The following IL1RAPL2 variants were observed in gnomAD, a reference collection of about 807,000 sequenced individuals.
IL1RAPL2 encodes the protein interleukin 1 receptor accessory protein like 2, also known as X-linked interleukin-1 receptor accessory protein-like 2.
Under a neutral mutation model 44.1 loss-of-function variants are expected in IL1RAPL2, and 3 were observed. The ratio of observed to expected loss-of-function variants is 0.07; its 90% CI spans 0.03 to 0.18. The LOEUF (loss-of-function observed/expected upper bound fraction) is 0.18. Ranked by LOEUF, IL1RAPL2 falls within the 10% of genes least tolerant of loss-of-function variation. IL1RAPL2 has a pLI of 1.00. For synonymous variants in IL1RAPL2, 181 were observed against 178.8 expected (o/e 1.01, Z -0.10); for missense variants, 391 against 496.4 (o/e 0.79, Z 2.02).
At chrX:105,752,840 C>T in intron 9 of IL1RAPL2, 1 of 294,387 alleles carries the variant, frequency 3.4e-6, no homozygotes, top group South Asian at 3.2e-5. Flanking sequence ...GCTTTTGGGA[C>T]ATCTGACATG....
At chrX:104,751,734 T>C (rs772022859) in intron 2 of IL1RAPL2, among the ~76,000 whole-genome samples, 3 of 111,373 alleles carry the variant, frequency 2.7e-5, no homozygotes, top group Non-Finnish European at 5.7e-5. Flanking sequence ...CCAGGGTTAA[T>C]ATGAATGCAT....
intron 2 of IL1RAPL2, among the ~76,000 whole-genome samples, chrX:104,761,890 TCTCCTTCTCCTTCTCCTTCTC>T (rs1932446290): frequency 5.5e-5 from 3 of 54,309 alleles, no homozygotes; most frequent in African/African-American, 3.4e-4. Flanking sequence ...TCCTTCTCCT[TCTCCTTCTCCTTCTCCTTCTC>T]CTTCTCCTTC....
At chrX:104,889,858 G>C (rs1923369237) in intron 2 of IL1RAPL2, among the ~76,000 whole-genome samples, 1 of 111,406 alleles carries the variant, frequency 9.0e-6, no homozygotes, top group South Asian at 3.8e-4. Context: ...GTGCAGGTTT[G>C]TTACATAGGT....
chrX:105,721,202 G>A (rs972504961), intron 7 of IL1RAPL2, among the ~76,000 whole-genome samples: 3 of 111,181 alleles, frequency 2.7e-5, no homozygotes, highest in East Asian at 2.9e-4. Flanking sequence ...GATCACCTGA[G>A]GTCAGGAGTT....
At chrX:104,646,297 AC>A (rs1175883378) in intron 1 of IL1RAPL2, among the ~76,000 whole-genome samples, 1 of 106,919 alleles carries the variant, frequency 9.4e-6, no homozygotes, top group Non-Finnish European at 1.9e-5. Flanking sequence ...TGGATTGCAT[AC>A]CTACTGTGTT....
chrX:104,893,566 T>C (rs1451023206), intron 2 of IL1RAPL2, among the ~76,000 whole-genome samples: 1 of 111,588 alleles, frequency 9.0e-6, no homozygotes, highest in African/African-American at 3.3e-5. Flanking sequence ...TCTTTTGATC[T>C]TTGTTGGTTT....
At chrX:105,101,870 G>A (rs956580065) in intron 2 of IL1RAPL2, among the ~76,000 whole-genome samples, 1 of 111,819 alleles carries the variant, frequency 8.9e-6, no homozygotes, top group African/African-American at 3.3e-5. Flanking sequence ...CTAGAAAAGG[G>A]TGGTTTCAAA....
chrX:104,806,519 C>T (rs1932923904), intron 2 of IL1RAPL2, among the ~76,000 whole-genome samples: 1 of 112,301 alleles, frequency 8.9e-6, no homozygotes. Flanking sequence ...AGACTGAAAA[C>T]CTGTCAGTTT....
At chrX:104,920,665 A>C (rs1403132706) in intron 2 of IL1RAPL2, among the ~76,000 whole-genome samples, 2 of 107,070 alleles carry the variant, frequency 1.9e-5, no homozygotes, top group African/African-American at 6.8e-5. Flanking sequence ...ACCCTGCGGA[A>C]CCATGAGCCA....
chrX:105,005,281 T>G (rs113959940), intron 2 of IL1RAPL2, among the ~76,000 whole-genome samples: 6,934 of 111,165 alleles, frequency 0.062, 570 homozygotes, highest in African/African-American at 0.21. Context: ...GCTTAATAAA[T>G]ACTTAATGAT....
At position 105,179,732 on chromosome X, in the gene IL1RAPL2, ATT is replaced by A. The variant is rs201089322; in HGVS notation, c.83-15731_83-15730del. Among the ~76,000 whole-genome samples, 8 of 84,476 alleles carry A rather than the reference ATT, an allele frequency of 9.5e-5. No individual in the cohort carries two copies. In the East Asian group the frequency reaches 1.9e-3, roughly 20 times the overall value. The allele number at this position is 84,476 out of a possible 115,157, so 73.4% of individuals were successfully genotyped here. On this transcript the variant is annotated intron_variant, in intron 2 of 10. Coordinates refer to ENST00000372582, the MANE Select transcript of IL1RAPL2 (RefSeq NM_017416.2). ...TCCTTGTTTAAATTTATTCCTAGGT[ATT>A]TTTTTTTTTTTGTAAATATAGTGAG...
chrX:104,921,499 C>T (rs1489671497), intron 2 of IL1RAPL2, among the ~76,000 whole-genome samples: 2 of 112,122 alleles, frequency 1.8e-5, no homozygotes, highest in African/African-American at 6.5e-5. Context: ...TGTTGATGGC[C>T]TAGGTGCAGT....
At chrX:105,006,145 A>G (rs2030937846) in intron 2 of IL1RAPL2, among the ~76,000 whole-genome samples, 1 of 110,819 alleles carries the variant, frequency 9.0e-6, no homozygotes, top group Admixed American at 9.7e-5. Flanking sequence ...TGCAAATGCA[A>G]TTATCAGCTG....
intron 5 of IL1RAPL2, among the ~76,000 whole-genome samples, chrX:105,419,847 C>T (rs1485738618): frequency 8.9e-6 from 1 of 111,822 alleles, no homozygotes; most frequent in East Asian, 2.8e-4. Flanking sequence ...TCAGACATTG[C>T]TTCATCTTGT....
chrX:105,039,941 G>A (rs948325143), intron 2 of IL1RAPL2, among the ~76,000 whole-genome samples: 18 of 110,510 alleles, frequency 1.6e-4, no homozygotes, highest in Non-Finnish European at 2.1e-4. Flanking sequence ...GTGAGAGAGG[G>A]CATCCCTGTC....
At chrX:104,932,080 C>T (rs1449520951) in intron 2 of IL1RAPL2, among the ~76,000 whole-genome samples, 1 of 105,855 alleles carries the variant, frequency 9.4e-6, no homozygotes, top group Non-Finnish European at 1.9e-5. Context: ...CAACCCCTGC[C>T]TCCCAGGTTC....
chrX:105,122,451 A>G (rs1197054587), intron 2 of IL1RAPL2, among the ~76,000 whole-genome samples: 1 of 111,584 alleles, frequency 9.0e-6, no homozygotes, highest in East Asian at 2.8e-4. Context: ...GTAAAACCCA[A>G]GCCATACCAG....
Position 104,726,642 on chromosome X carries a change from A to G in IL1RAPL2, c.82+67647A>G, listed in dbSNP as rs748323456. 5.4e-5 allele frequency among the ~76,000 whole-genome samples: 6 copies of G among 111,133 alleles called. No individual in the cohort carries two copies. In the South Asian group the frequency reaches 1.1e-3, roughly 21 times the overall value. On this transcript the variant is annotated intron_variant, in intron 2 of 10. Transcript: ENST00000372582. ...CTAGGTACTTTATTCTCTCTGTAGC[A>G]ATTGTGAATGGGAGTTTGCTCATGA... is the stretch of plus-strand genomic sequence containing the variant.
chrX:104,938,230 T>A (rs1249388174), intron 2 of IL1RAPL2, among the ~76,000 whole-genome samples: 1 of 112,391 alleles, frequency 8.9e-6, no homozygotes, highest in African/African-American at 3.2e-5. Flanking sequence ...TGTGACTTAT[T>A]TAAGCTTCTG....
Sources: allele counts gnomAD v4.1 joint callset (sites outside exome capture counted in the v4.1 genomes callset), GRCh38; gene constraint gnomAD v4.1.1; transcripts MANE v1.5; gene names NCBI Gene and HGNC (gene_info 2026-07-23, HGNC 2026-07-21).